MAN1C1: variants seen among roughly 807,000 people sequenced by gnomAD.
MAN1C1 encodes the protein mannosyl-oligosaccharide 1,2-alpha-mannosidase IC.
Under a neutral mutation model 71.5 loss-of-function variants are expected in MAN1C1, and 49 were observed. The ratio of observed to expected loss-of-function variants is 0.69; its 90% CI spans 0.54 to 0.87. MAN1C1 has a LOEUF of 0.87. Ranked by LOEUF, MAN1C1 falls within the 40% of genes least tolerant of loss-of-function variation. The probability of loss-of-function intolerance (pLI) is 0.00; values close to 1 mark genes in which losing one functional copy is unlikely to be tolerated. For synonymous variants in MAN1C1, 352 were observed against 343.7 expected (o/e 1.02, Z -0.27); for missense variants, 743 against 835.0 (o/e 0.89, Z 1.36).
chr1:25,664,118 G>A (rs2045887906), intron 1 of MAN1C1, among the ~76,000 whole-genome samples: 1 of 152,152 alleles, frequency 6.6e-6, no homozygotes, highest in Non-Finnish European at 1.5e-5. Context: ...GGGTAGAGGG[G>A]CCCAGTATGG....
In MAN1C1 at chr1:25,725,692, G is replaced by A. The variant is rs191929422; in HGVS notation, c.638-20976G>A. Among the ~76,000 whole-genome samples the A allele has an allele frequency of 1.1e-4, 16 of 152,244 alleles. No individual in the cohort carries two copies. The highest frequency in any genetic ancestry group is 3.9e-4 in the African/African-American group (16 of 41,550). ...TTTCAGTGCCTGGGGATCCTGCCTC[G>A]CCTCCCACTTTGCCCTCTAGATGGC... On this transcript the variant is annotated intron_variant, in intron 2 of 11. Transcript: ENST00000374332. The surrounding 1 kb of genome is among the most constrained non-coding windows in gnomAD (Gnocchi z 4.8).
At chr1:25,682,337 G>A (rs1277072362) in intron 1 of MAN1C1, among the ~76,000 whole-genome samples, 1 of 152,220 alleles carries the variant, frequency 6.6e-6, no homozygotes, top group Non-Finnish European at 1.5e-5. Flanking sequence ...GATCCTTACA[G>A]CATGGAATGA....
chr1:25,647,555 C>A (rs2045632860), intron 1 of MAN1C1, among the ~76,000 whole-genome samples: 1 of 148,862 alleles, frequency 6.7e-6, no homozygotes, highest in South Asian at 2.1e-4. Flanking sequence ...GAGGCCAAGG[C>A]AACTGTGATT....
chr1:25,760,822 A>G (rs2047350718), intron 6 of MAN1C1: 1 of 152,238 alleles, frequency 6.6e-6, no homozygotes, highest in Non-Finnish European at 1.5e-5. Flanking sequence ...CGTGCTGAGT[A>G]GGATTTAACC....
intron 1 of MAN1C1, among the ~76,000 whole-genome samples, chr1:25,622,564 T>C (rs1014149289): frequency 2.6e-5 from 4 of 152,216 alleles, no homozygotes; most frequent in African/African-American, 9.6e-5. Flanking sequence ...GTTTAGGGGC[T>C]TAGCGGCTCA....
intron 7 of MAN1C1, among the ~76,000 whole-genome samples, chr1:25,768,604 CACAT>C (rs1273172580): frequency 8.6e-6 from 1 of 115,886 alleles, no homozygotes; most frequent in African/African-American, 3.1e-5. Flanking sequence ...ACACTCCCCT[CACAT>C]ACATCCACAC....
At chr1:25,723,658 C>A (rs2046796054) in intron 2 of MAN1C1, among the ~76,000 whole-genome samples, 1 of 152,206 alleles carries the variant, frequency 6.6e-6, no homozygotes, top group Non-Finnish European at 1.5e-5. Context: ...CAATCTTTAA[C>A]CACGATCTCT....
At chr1:25,621,787 C>A (rs1010502804) in intron 1 of MAN1C1, among the ~76,000 whole-genome samples, 4 of 152,036 alleles carry the variant, frequency 2.6e-5, no homozygotes, top group Non-Finnish European at 5.9e-5. Flanking sequence ...CCCCACCACA[C>A]CTGGCTAATT....
At chr1:25,699,732 G>A (rs1386141441) in intron 2 of MAN1C1, among the ~76,000 whole-genome samples, 3 of 152,184 alleles carry the variant, frequency 2.0e-5, no homozygotes, top group Admixed American at 6.5e-5. Flanking sequence ...TGACAGCCTG[G>A]TGCAGCCAGG....
At chr1:25,638,802 T>C (rs1040471897) in intron 1 of MAN1C1, among the ~76,000 whole-genome samples, 3 of 152,118 alleles carry the variant, frequency 2.0e-5, no homozygotes, top group African/African-American at 7.2e-5. Context: ...AGATTTTCAG[T>C]TTATCTTTGT....
At chr1:25,643,427 T>G (rs1170898774) in intron 1 of MAN1C1, among the ~76,000 whole-genome samples, 4 of 144,658 alleles carry the variant, frequency 2.8e-5, no homozygotes, top group Non-Finnish European at 4.5e-5. Flanking sequence ...GCTAATTTTT[T>G]TTTTTTTTTT....
chr1:25,697,982 C>T (rs998672266), intron 2 of MAN1C1, among the ~76,000 whole-genome samples: 3 of 152,320 alleles, frequency 2.0e-5, no homozygotes. Context: ...CTTCCTGGCC[C>T]AGAGCTCCCC....
chr1:25,764,681 G>A lies in MAN1C1; in HGVS notation c.1141+714G>A, dbSNP rs1438820787. Among the ~76,000 whole-genome samples, 1 of 151,926 alleles carries A rather than the reference G, an allele frequency of 6.6e-6. No individual in the cohort carries two copies. The highest frequency in any genetic ancestry group is 2.4e-5 in the African/African-American group (1 of 41,364). The stretch of plus-strand genomic sequence containing the variant: ...GATCCAACCGCCTCGGCCTCCCAAA[G>A]TGCTGGGATTACAGGCGTGAGCCAC... On this transcript the variant is annotated intron_variant, in intron 7 of 11. Coordinates refer to ENST00000374332, the MANE Select transcript of MAN1C1 (RefSeq NM_020379.4). The surrounding 1 kb of genome is among the most constrained non-coding windows in gnomAD (Gnocchi z 4.4).
rs982091489 is a variant in MAN1C1 at position 25,618,115 on chromosome 1, A to G, written c.318A>G (p.Lys106=). 7.9e-6 allele frequency: 12 copies of G among 1,513,028 alleles called. No individual in the cohort carries two copies. The East Asian group carries it at 3.1e-4, about 39-fold the overall frequency. The allele number at this position is 1,513,028 out of a possible 1,614,324, so 93.7% of individuals were successfully genotyped here. A position where few individuals can be genotyped will look rare whatever the true frequency, so the allele number is the denominator to read the frequency against. Residue 106 remains lysine (K), a synonymous_variant, in exon 1 of 12, where the codon AAA becomes AAG. Transcript: ENST00000374332. ...PSSWASPRRR[K]GGLRRTRPTG... ...GCTGGGCCAGTCCCCGCCGCAGGAA[A>G]GGGGGGCTGCGGCGCACCCGCCCCA...
At chr1:25,739,822 CGTAG>C (rs1455907509) in intron 2 of MAN1C1, among the ~76,000 whole-genome samples, 2 of 152,124 alleles carry the variant, frequency 1.3e-5, no homozygotes, top group African/African-American at 4.8e-5. Context: ...CTGCTCTGGA[CGTAG>C]TCACCACAGA....
intron 8 of MAN1C1, among the ~76,000 whole-genome samples, chr1:25,773,321 A>C (rs77238487): frequency 0.02 from 3,021 of 152,294 alleles, 122 homozygotes; most frequent in African/African-American, 0.069. Flanking sequence ...ATGGTCTGTG[A>C]CTACCCTCTG....
intron 1 of MAN1C1, among the ~76,000 whole-genome samples, chr1:25,618,596 C>T (rs140077465): frequency 2.8e-4 from 42 of 152,220 alleles, no homozygotes; most frequent in African/African-American, 9.6e-4. Context: ...GACCAACTGC[C>T]CCCTCACTCC....
Position 25,768,072 on chromosome 1 carries a change from CACT to C in MAN1C1, c.1142-3584_1142-3582del, listed in dbSNP as rs1406143843. 3.2e-4 allele frequency among the ~76,000 whole-genome samples: 7 copies of C among 22,050 alleles called. 1 individual carries two copies. The highest frequency in any genetic ancestry group is 2.7e-3 in the South Asian group (1 of 364). 14.5% of individuals were successfully genotyped at this position (22,050 alleles called of 152,430 possible). A position where few individuals can be genotyped will look rare whatever the true frequency, so the allele number is the denominator to read the frequency against. Reference sequence around the variant, plus strand: ...TCCACACTCCCCTCACACACACACACACTCCCCCCCACACACAGACCCACACAC... The same window carrying C: ...TCCACACTCCCCTCACACACACACACCCCCCCCACACACAGACCCACACAC... On this transcript the variant is annotated intron_variant, in intron 7 of 11. Transcript: ENST00000374332.
chr1:25,725,162 C>T lies in MAN1C1; in HGVS notation c.638-21506C>T, dbSNP rs1038657711. On this transcript the variant is annotated intron_variant, in intron 2 of 11. Coordinates refer to ENST00000374332, the MANE Select transcript of MAN1C1 (RefSeq NM_020379.4). This position sits in a 1 kb window ranked among gnomAD's most constrained non-coding sequence, Gnocchi z 4.8. Reference sequence around the variant, plus strand: ...GGTCAATACCAATGTGGTGTGAAGACAAAAGGCTCAGTTTGCTCCTCTTGT... The same window carrying T: ...GGTCAATACCAATGTGGTGTGAAGATAAAAGGCTCAGTTTGCTCCTCTTGT... 6.6e-6 allele frequency among the ~76,000 whole-genome samples: 1 copy of T among 152,198 alleles called. No homozygotes were observed. The highest frequency in any genetic ancestry group is 1.5e-5 in the Non-Finnish European group (1 of 68,036).
Sources: allele counts gnomAD v4.1 joint callset (sites outside exome capture counted in the v4.1 genomes callset), GRCh38; gene constraint gnomAD v4.1.1; non-coding constraint Gnocchi (gnomAD v3.1); transcripts MANE v1.5; gene names NCBI Gene and HGNC (gene_info 2026-07-23, HGNC 2026-07-21).